The following CBLB variants were observed in gnomAD, a reference collection of about 807,000 sequenced individuals.
CBLB encodes Cbl proto-oncogene B, also known as E3 ubiquitin-protein ligase CBL-B.
A neutral mutation model predicts 104.9 loss-of-function variants in CBLB; 31 were observed. The observed-to-expected ratio is 0.30, with a 90% CI of 0.22 to 0.40. The LOEUF (loss-of-function observed/expected upper bound fraction) is 0.40. Ranked by LOEUF, CBLB falls within the 10% of genes least tolerant of loss-of-function variation. The pLI is 1.00. For missense variants in CBLB, 1,062 were observed against 1,214.6 expected, an observed-to-expected ratio of 0.87 and a Z score of 1.87; for synonymous variants, 440 against 422.6, an observed-to-expected ratio of 1.04 and a Z score of -0.51.
chr3:105,716,966 G>A lies in CBLB; in HGVS notation c.1407+3081C>T, dbSNP rs949065092. The stretch of plus-strand genomic sequence containing the variant: ...ATGAAATATGAATGGTCTTGGGAGC[G>A]GGTGATAAGATCAAGGAGAAACACT... On this transcript the variant is annotated intron_variant, in intron 10 of 18. Transcript: ENST00000394030. 1.2e-4 allele frequency among the ~76,000 whole-genome samples: 18 copies of A among 152,064 alleles called. 1 individual carries two copies. Among genetic ancestry groups the A allele is most frequent in the South Asian group, 8.3e-4 (4 of 4,824 alleles).
rs141045461 is a variant in CBLB, at chr3:105,713,253, G to A, written c.1407+6794C>T. Among the ~76,000 whole-genome samples, 350 of 152,152 alleles carry A rather than the reference G, an allele frequency of 2.3e-3. 2 individuals are homozygous for A. The highest frequency in any genetic ancestry group is 8.2e-3 in the African/African-American group (339 of 41,508). The stretch of plus-strand genomic sequence containing the variant: ...GGACCAAGTACTTGGGGGAAGGGGA[G>A]TGGGAGGGGGTGTTAAATAAAACAA... On this transcript the variant is annotated intron_variant, in intron 10 of 18. Coordinates refer to ENST00000394030, the MANE Select transcript of CBLB (RefSeq NM_170662.5).
In CBLB at chr3:105,704,192, A is replaced by C. The variant is rs1411521357; in HGVS notation, c.1408-19T>G. On this transcript the variant is annotated intron_variant, in intron 10 of 18. Transcript: ENST00000394030. ...CAGTGCACTAGAACAGAAAAAGAGAAAGATGCCGCTGTTTATTAGCTGTGC... is the reference window on the plus strand; with the variant it reads ...CAGTGCACTAGAACAGAAAAAGAGACAGATGCCGCTGTTTATTAGCTGTGC... The C allele has an allele frequency of 6.2e-7, 1 of 1,610,228 alleles. No individual in the cohort carries two copies. The highest frequency in any genetic ancestry group is 2.2e-5 in the East Asian group (1 of 44,870).
chr3:105,727,879 T>C (rs185075380), intron 9 of CBLB, among the ~76,000 whole-genome samples: 6 of 152,324 alleles, frequency 3.9e-5, no homozygotes, highest in Non-Finnish European at 2.9e-5. Context: ...TTCTGAGGCA[T>C]CTATTCTGTT....
rs531755500 is a variant in CBLB at position 105,690,807 on chromosome 3, G to A, written c.2054+2687C>T. ...ACTGCACTCCAGCCTGGGCGACAGA[G>A]TGAGACTCCATCTCAAAAAAAAAAA... On this transcript the variant is annotated intron_variant, in intron 13 of 18. Transcript: ENST00000394030. Among the ~76,000 whole-genome samples the A allele has an allele frequency of 5.5e-4, 82 of 147,998 alleles. No homozygotes were observed. The South Asian group carries it at 8.2e-3, about 15-fold the overall frequency.
chr3:105,803,306 C>G, intron 3 of CBLB, among the ~76,000 whole-genome samples: 1 of 152,052 alleles, frequency 6.6e-6, no homozygotes, highest in East Asian at 1.9e-4. Context: ...ATTTATGAGG[C>G]CTGCAATTTA....
At chr3:105,686,464 C>A (rs1489451535) in intron 13 of CBLB, among the ~76,000 whole-genome samples, 12 of 149,022 alleles carry the variant, frequency 8.1e-5, no homozygotes, top group Non-Finnish European at 1.5e-4. Context: ...AAAAAAAAAA[C>A]AAAAAAACTA....
At chr3:105,823,830 T>C (rs1450519640) in intron 3 of CBLB, among the ~76,000 whole-genome samples, 1 of 152,106 alleles carries the variant, frequency 6.6e-6, no homozygotes, top group African/African-American at 2.4e-5. Flanking sequence ...CATACCAGGG[T>C]ACAAAGCACC....
intron 3 of CBLB, among the ~76,000 whole-genome samples, chr3:105,792,401 G>C (rs931110896): frequency 2.0e-5 from 3 of 152,186 alleles, no homozygotes; most frequent in African/African-American, 7.2e-5. Flanking sequence ...TTGTTTTAGA[G>C]TGAGTTAGCT....
chr3:105,860,868 T>C (rs1273305404), intron 2 of CBLB, among the ~76,000 whole-genome samples: 1 of 152,210 alleles, frequency 6.6e-6, no homozygotes. Context: ...CCCAGGTCAG[T>C]GTTCCTGTCA....
At chr3:105,663,193 G>GTTACTTCTGTTACTACCTGAGACCA (rs2063995526) in intron 18 of CBLB, among the ~76,000 whole-genome samples, 3 of 63,974 alleles carry the variant, frequency 4.7e-5, no homozygotes, top group Admixed American at 3.3e-4. Flanking sequence ...ATTTGAGACA[G>GTTACTTCTGTTACTACCTGAGACCA]TCATTACAAC....
intron 17 of CBLB, chr3:105,672,535 A>T (rs1244978547): frequency 6.2e-6 from 1 of 160,578 alleles, no homozygotes; most frequent in Non-Finnish European, 1.4e-5. Flanking sequence ...GTCCCCTGAT[A>T]AGAAAACTTT....
At chr3:105,841,143 AC>A (rs1246247434) in intron 3 of CBLB, among the ~76,000 whole-genome samples, 1 of 151,822 alleles carries the variant, frequency 6.6e-6, no homozygotes, top group African/African-American at 2.4e-5. Context: ...AAATACAAAA[AC>A]AATTAGCTCT....
At chr3:105,725,582 G>A (rs1351151877) in intron 9 of CBLB, among the ~76,000 whole-genome samples, 1 of 152,100 alleles carries the variant, frequency 6.6e-6, no homozygotes, top group Non-Finnish European at 1.5e-5. Flanking sequence ...CATCGCTCTA[G>A]TTCATAATGT....
chr3:105,780,394 A>G (rs1328836594), intron 3 of CBLB, among the ~76,000 whole-genome samples: 1 of 152,136 alleles, frequency 6.6e-6, no homozygotes, highest in Non-Finnish European at 1.5e-5. Context: ...GATACTTATG[A>G]AGAATATATT....
chr3:105,704,743 C>T (rs2069809751), intron 10 of CBLB, among the ~76,000 whole-genome samples: 1 of 151,948 alleles, frequency 6.6e-6, no homozygotes, highest in East Asian at 1.9e-4. Flanking sequence ...TCAAGTTAAA[C>T]ATTTTTCTTG....
chr3:105,857,419 A>G (rs1236167608), intron 2 of CBLB, among the ~76,000 whole-genome samples: 2 of 152,204 alleles, frequency 1.3e-5, no homozygotes, highest in African/African-American at 4.8e-5. Context: ...CTGGCAGAAG[A>G]GACGTAGTTC....
intron 2 of CBLB, among the ~76,000 whole-genome samples, chr3:105,859,342 A>T (rs2091898685): frequency 6.6e-6 from 1 of 152,204 alleles, no homozygotes; most frequent in Non-Finnish European, 1.5e-5. Flanking sequence ...GAACTGCCTC[A>T]TTCTTAAAAA....
At chr3:105,769,819 C>T (rs369780168) in intron 4 of CBLB, among the ~76,000 whole-genome samples, 3 of 152,260 alleles carry the variant, frequency 2.0e-5, no homozygotes, top group Non-Finnish European at 4.4e-5. Context: ...ACACTTCAAG[C>T]GAAAGACTGG....
chr3:105,773,541 T>A (rs2152957829), intron 4 of CBLB, among the ~76,000 whole-genome samples: 1 of 152,318 alleles, frequency 6.6e-6, no homozygotes, highest in East Asian at 1.9e-4. Context: ...AGTCACAAGC[T>A]GCTACCTGAC....
Sources: gnomAD v4.1 joint callset for allele counts (sites outside exome capture counted in the v4.1 genomes callset) on GRCh38, gnomAD v4.1.1 for gene constraint, MANE v1.5 for transcripts, NCBI Gene and HGNC (gene_info 2026-07-23, HGNC 2026-07-21) for gene names.